The following CLSTN2 variants were observed in gnomAD, a reference collection of about 807,000 sequenced individuals.
CLSTN2 encodes calsyntenin 2, also known as calsyntenin-2.
In CLSTN2, 48 loss-of-function variants were observed where a neutral mutation model predicts 101.2. The observed-to-expected ratio is 0.47, with a 90% CI of 0.38 to 0.60. CLSTN2 has a LOEUF of 0.60. Ranked by LOEUF, CLSTN2 falls within the 20% of genes least tolerant of loss-of-function variation. The pLI is 0.00. For missense variants in CLSTN2, 1,160 were observed against 1,238.2 expected (o/e 0.94, Z 0.95); for synonymous variants, 481 against 463.6 (o/e 1.04, Z -0.48).
chr3:140,281,969 C>T (rs1356740036), intron 2 of CLSTN2, among the ~76,000 whole-genome samples: 2 of 152,090 alleles, frequency 1.3e-5, no homozygotes, highest in Non-Finnish European at 2.9e-5. Flanking sequence ...CCACACTAAT[C>T]CCAATGAAAT....
chr3:139,964,133 A>G (rs1935555059), intron 1 of CLSTN2, among the ~76,000 whole-genome samples: 1 of 152,230 alleles, frequency 6.6e-6, no homozygotes, highest in Non-Finnish European at 1.5e-5. Flanking sequence ...CTAAAATGTA[A>G]TTAGTATTTA....
intron 1 of CLSTN2, among the ~76,000 whole-genome samples, chr3:140,143,991 A>G (rs1353520207): frequency 6.6e-6 from 1 of 152,222 alleles, no homozygotes; most frequent in Non-Finnish European, 1.5e-5. Flanking sequence ...TGTGCTCCCC[A>G]GTGCTCTAGA....
rs56965995 is a variant in CLSTN2, at chr3:140,526,595, C to CA, written c.1345-5717dup. Among the ~76,000 whole-genome samples, 978 of 98,898 alleles carry CA rather than the reference C, an allele frequency of 9.9e-3. 7 individuals carry two copies. Among genetic ancestry groups the CA allele is most frequent in the East Asian group, 0.074 (151 of 2,032 alleles). 64.9% of individuals were successfully genotyped at this position (98,898 alleles called of 152,430 possible). A position where few individuals can be genotyped will look rare whatever the true frequency, so the allele number is the denominator to read the frequency against. On this transcript the variant is annotated intron_variant, in intron 8 of 16. Coordinates refer to ENST00000458420, the MANE Select transcript of CLSTN2 (RefSeq NM_022131.3). ...AATTTATATGAAACAAACAAACAAA[C>CA]AAAAAAAAAAAACAACCACAGCAAT...
rs1192068581 is a variant in CLSTN2, at chr3:140,569,446, A to G, written c.*3193A>G. 1.3e-5 allele frequency: 2 copies of G among 152,208 alleles called. No individual in the cohort carries two copies. Among genetic ancestry groups the G allele is most frequent in the Non-Finnish European group, 2.9e-5 (2 of 68,050 alleles). 9.4% of individuals were successfully genotyped at this position (152,208 alleles called of 1,614,324 possible). A position where few individuals can be genotyped will look rare whatever the true frequency, so the allele number is the denominator to read the frequency against. On this transcript the variant is annotated 3_prime_UTR_variant, in exon 17 of 17. Transcript: ENST00000458420. The stretch of plus-strand genomic sequence containing the variant: ...AGGCTACAACTCTCAGGTGATTCAG[A>G]TGACATGGAGGAGAAGTTGGAGGAG...
chr3:140,509,314 C>A (rs538780278), intron 8 of CLSTN2, among the ~76,000 whole-genome samples: 1 of 152,266 alleles, frequency 6.6e-6, no homozygotes, highest in East Asian at 1.9e-4. Context: ...AACTTAACCA[C>A]ACCAAAACCA....
At chr3:139,974,876 A>G (rs1038396123) in intron 1 of CLSTN2, among the ~76,000 whole-genome samples, 1 of 152,196 alleles carries the variant, frequency 6.6e-6, no homozygotes, top group Admixed American at 6.5e-5. Context: ...ACAGAGGTCT[A>G]GGATATTCAT....
chr3:140,385,966 G>A (rs1479660620), intron 2 of CLSTN2, among the ~76,000 whole-genome samples: 1 of 152,092 alleles, frequency 6.6e-6, no homozygotes, highest in Non-Finnish European at 1.5e-5. Flanking sequence ...ATCTGACACT[G>A]GACAGTGATC....
At chr3:140,223,332 C>T (rs1282434835) in intron 2 of CLSTN2, among the ~76,000 whole-genome samples, 1 of 152,190 alleles carries the variant, frequency 6.6e-6, no homozygotes, top group Non-Finnish European at 1.5e-5. Flanking sequence ...TTCCTCAAGG[C>T]AGGGCAATGC....
intron 1 of CLSTN2, among the ~76,000 whole-genome samples, chr3:139,954,951 C>T (rs1935362021): frequency 6.6e-6 from 1 of 151,726 alleles, no homozygotes; most frequent in Admixed American, 6.6e-5. Flanking sequence ...CATGGCCCAG[C>T]TTAAATGGAT....
In CLSTN2 at chr3:140,302,531, G is replaced by A. The variant is rs550209706; in HGVS notation, c.233-101098G>A. 7.2e-5 allele frequency among the ~76,000 whole-genome samples: 11 copies of A among 152,332 alleles called. 1 individual carries two copies. The highest frequency in any genetic ancestry group is 4.1e-4 in the South Asian group (2 of 4,830). Reference sequence around the variant, plus strand: ...TTATTAATTCTAGGTTTGCATAGGAGCTCTTTGAAAAATATGGTCTTCAAA... The same window carrying A: ...TTATTAATTCTAGGTTTGCATAGGAACTCTTTGAAAAATATGGTCTTCAAA... On this transcript the variant is annotated intron_variant, in intron 2 of 16. Coordinates refer to ENST00000458420, the MANE Select transcript of CLSTN2 (RefSeq NM_022131.3).
intron 2 of CLSTN2, among the ~76,000 whole-genome samples, chr3:140,206,077 T>G (rs904551695): frequency 6.6e-6 from 1 of 152,208 alleles, no homozygotes; most frequent in Non-Finnish European, 1.5e-5. Flanking sequence ...ATTCACAAAC[T>G]TCAGAACATT....
chr3:140,044,713 TAA>T (rs1410631031), intron 1 of CLSTN2, among the ~76,000 whole-genome samples: 2 of 152,238 alleles, frequency 1.3e-5, no homozygotes, highest in East Asian at 3.9e-4. Context: ...CATCAATACC[TAA>T]CTTATTGAGA....
At chr3:139,942,482 T>C (rs59990325) in intron 1 of CLSTN2, among the ~76,000 whole-genome samples, 3,879 of 152,262 alleles carry the variant, frequency 0.025, 149 homozygotes, top group African/African-American at 0.085. Flanking sequence ...GACTCCGTTT[T>C]AGGCCAGGAT....
chr3:140,448,836 A>T (rs1933163599), intron 6 of CLSTN2, 132 bp downstream of exon 6: 1 of 775,816 alleles, frequency 1.3e-6, no homozygotes, highest in East Asian at 2.8e-5. Context: ...TCCTGGATGG[A>T]TTTTAAGTTT....
intron 6 of CLSTN2, among the ~76,000 whole-genome samples, chr3:140,452,950 C>T (rs974934654): frequency 1.3e-5 from 2 of 152,194 alleles, no homozygotes; most frequent in African/African-American, 4.8e-5. Flanking sequence ...AAGGACCATG[C>T]CATCTAGGCA....
chr3:140,499,847 G>C (rs552010656), intron 8 of CLSTN2, among the ~76,000 whole-genome samples: 2 of 152,132 alleles, frequency 1.3e-5, no homozygotes, highest in Non-Finnish European at 2.9e-5. Context: ...GGCGGATCAC[G>C]ATGTCAGGAG....
chr3:140,224,476 G>C (rs2086301872), intron 2 of CLSTN2, among the ~76,000 whole-genome samples: 1 of 152,202 alleles, frequency 6.6e-6, no homozygotes, highest in Admixed American at 6.5e-5. Context: ...ATAATGAGGA[G>C]CCCTGCCAGC....
intron 11 of CLSTN2, 189 bp downstream of exon 11, chr3:140,556,850 G>T: frequency 1.7e-6 from 1 of 584,324 alleles, no homozygotes; most frequent in Non-Finnish European, 3.0e-6. Context: ...AAGATGTTCT[G>T]TTGTTTTACC....
At chr3:140,411,514 A>G (rs1313311005) in intron 4 of CLSTN2, among the ~76,000 whole-genome samples, 1 of 152,266 alleles carries the variant, frequency 6.6e-6, no homozygotes, top group East Asian at 1.9e-4. Context: ...GAGTATCAAG[A>G]CATAAAATCA....
Sources: allele counts gnomAD v4.1 joint callset (sites outside exome capture counted in the v4.1 genomes callset), GRCh38; gene constraint gnomAD v4.1.1; transcripts MANE v1.5; gene names NCBI Gene and HGNC (gene_info 2026-07-23, HGNC 2026-07-21).